Variants in CCNJL observed in about 807,000 individuals in gnomAD.
The protein encoded by CCNJL is cyclin J like.
In CCNJL, 33 loss-of-function variants were observed where a neutral mutation model predicts 33.4. That is an observed-to-expected ratio of 0.99 (90% CI 0.75 to 1.32). The LOEUF (loss-of-function observed/expected upper bound fraction) is 1.32. Among genes scored for constraint, CCNJL ranks in the 40% most tolerant of loss-of-function variants. The probability of loss-of-function intolerance (pLI) is 0.00; values close to 1 mark genes in which losing one functional copy is unlikely to be tolerated. For synonymous variants in CCNJL, 227 were observed against 220.9 expected (o/e 1.03, Z -0.24); for missense variants, 512 against 499.7 (o/e 1.02, Z -0.23).
At chr5:160,292,146 C>T (rs1057460456) in intron 2 of CCNJL, among the ~76,000 whole-genome samples, 3 of 152,182 alleles carry the variant, frequency 2.0e-5, no homozygotes, top group Non-Finnish European at 4.4e-5. Context: ...GAGGCACACA[C>T]CATCCTAGGG....
In CCNJL at chr5:160,251,062, A is replaced by G. The variant is rs1276639067; in HGVS notation, c.*2316T>C. The G allele has an allele frequency of 1.3e-5, 2 of 152,200 alleles. No homozygotes were observed. Among genetic ancestry groups the G allele is most frequent in the Admixed American group, 1.3e-4 (2 of 15,274 alleles). The allele number at this position is 152,200 out of a possible 1,614,324, so 9.4% of individuals were successfully genotyped here. Reference sequence around the variant, plus strand: ...AGTGCCTGTTGTGTGGCTAGGTACTAGTCTAGATGTTGCTGTCAAGGTATT... The same window carrying G: ...AGTGCCTGTTGTGTGGCTAGGTACTGGTCTAGATGTTGCTGTCAAGGTATT... On this transcript the variant is annotated 3_prime_UTR_variant, in exon 6 of 6. Coordinates refer to ENST00000257536, the MANE Select transcript of CCNJL (RefSeq NM_001308173.3).
upstream of CCNJL, chr5:160,315,318 AACACACAC>A (rs57432164): frequency 3.7e-3 from 389 of 103,946 alleles, 3 homozygotes; most frequent in Admixed American, 6.8e-3. Context: ...CCCGCCCCCC[AACACACAC>A]ACACACACAC....
intron 3 of CCNJL, among the ~76,000 whole-genome samples, chr5:160,274,311 G>A (rs1356687948): frequency 6.6e-6 from 1 of 151,934 alleles, no homozygotes; most frequent in Admixed American, 6.6e-5. Context: ...ATAAAAAAAT[G>A]AGCTGGATGT....
At chr5:160,270,667 C>T (rs1219376852) in intron 3 of CCNJL, among the ~76,000 whole-genome samples, 3 of 152,078 alleles carry the variant, frequency 2.0e-5, no homozygotes, top group African/African-American at 7.2e-5. Flanking sequence ...CCGCAGGTTC[C>T]GATTATAGAA....
In CCNJL at chr5:160,311,845, G is replaced by GGGA. The variant is rs1763269689; in HGVS notation, c.66+10_66+12dup. 6.2e-7 allele frequency: 1 copy of GGGA among 1,612,392 alleles called. No individual in the cohort carries two copies. Among genetic ancestry groups the GGGA allele is most frequent in the Non-Finnish European group, 8.5e-7 (1 of 1,178,504 alleles). On this transcript the variant is annotated intron_variant, in intron 2 of 5. Transcript: ENST00000257536. Reference sequence around the variant, plus strand: ...CCCAGTCTTGAGAGTGACAAGGGCAGGGAGGGACTGACCTTCTCGCGCAGG... The same window carrying GGGA: ...CCCAGTCTTGAGAGTGACAAGGGCAGGGAGGAGGGACTGACCTTCTCGCGCAGG...
At position 160,259,497 on chromosome 5, in the gene CCNJL, G is replaced by A. The variant is rs190889861; in HGVS notation, c.555C>T (p.Ala185=). The part of the protein sequence containing the change: ...RKTKECLKEY[A]HYFLEVTLQD... ...GCAGGGTGACCTCTAGGAAGTAATG[G>A]GCATACTCCTTGAGGCACTCTTTGG... The change falls in exon 4 of 6, where the codon GCC becomes GCT. Residue 185 remains alanine, a synonymous_variant. Transcript: ENST00000257536. The A allele has an allele frequency of 3.0e-5, 48 of 1,613,906 alleles. 1 individual carries two copies. In the Middle Eastern group the frequency reaches 8.3e-4, roughly 28 times the overall value.
At position 160,252,304 on chromosome 5, in the gene CCNJL, C is replaced by T. The variant is rs2113184499; in HGVS notation, c.*1074G>A. ...TCAAACGCCCATGTACATCCCACTC[C>T]CCAAATACAGGTGGGACTAAGCAAA... On this transcript the variant is annotated 3_prime_UTR_variant, in exon 6 of 6. Coordinates refer to ENST00000257536, the MANE Select transcript of CCNJL (RefSeq NM_001308173.3). 6.5e-6 allele frequency: 1 copy of T among 152,774 alleles called. No individual in the cohort carries two copies. The highest frequency in any genetic ancestry group is 3.4e-3 in the Middle Eastern group (1 of 294). The allele number at this position is 152,774 out of a possible 1,614,324, so 9.5% of individuals were successfully genotyped here.
chr5:160,293,043 G>A (rs1423716257), intron 2 of CCNJL, among the ~76,000 whole-genome samples: 2 of 152,214 alleles, frequency 1.3e-5, no homozygotes, highest in African/African-American at 4.8e-5. Flanking sequence ...TGACTCTACT[G>A]TTTTCTAGAC....
intron 1 of CCNJL, among the ~76,000 whole-genome samples, chr5:160,328,325 A>G (rs1258781333): frequency 1.3e-5 from 2 of 152,242 alleles, no homozygotes; most frequent in South Asian, 2.1e-4. Flanking sequence ...AGAGTGAGTT[A>G]GAGTAGGCAG....
At chr5:160,254,264 G>A in intron 5 of CCNJL, 1 of 583,786 alleles carries the variant, frequency 1.7e-6, no homozygotes. Context: ...TCCCCAGCGG[G>A]GTCACTCCTT....
chr5:160,278,699 G>C (rs576662648), intron 3 of CCNJL, among the ~76,000 whole-genome samples: 21 of 152,328 alleles, frequency 1.4e-4, no homozygotes, highest in African/African-American at 5.0e-4. Flanking sequence ...TCCCCAGACA[G>C]ACACTCGGGG....
intron 2 of CCNJL, among the ~76,000 whole-genome samples, chr5:160,285,029 T>C (rs1288410558): frequency 6.6e-6 from 1 of 152,014 alleles, no homozygotes; most frequent in African/African-American, 2.4e-5. Context: ...GTTCAAGACC[T>C]CAGTTCAAGA....
rs1232452203 is a variant in CCNJL at position 160,255,572 on chromosome 5, G to A, written c.720C>T (p.Ser240=). ...RISSYSLEHL[S]TCIEILLVVY... is the part of the protein sequence containing the mutation. The stretch of plus-strand genomic sequence containing the variant: ...ACACCAGCAGGATTTCAATACACGT[G>A]CTGAGGTGCTCCAGGGAATAGCTTG... Residue 240 remains serine, a synonymous_variant, in exon 5 of 6, where the codon AGC becomes AGT. Transcript: ENST00000257536. 1.9e-5 allele frequency: 31 copies of A among 1,614,140 alleles called. No individual in the cohort carries two copies. Among genetic ancestry groups the A allele is most frequent in the Non-Finnish European group, 2.6e-5 (31 of 1,179,976 alleles).
chr5:160,318,782 C>T (rs1380439730), intron 1 of CCNJL, among the ~76,000 whole-genome samples: 1 of 152,150 alleles, frequency 6.6e-6, no homozygotes, highest in Non-Finnish European at 1.5e-5. Flanking sequence ...AATATATATG[C>T]ATGTTCAGGC....
At chr5:160,334,363 C>T (rs1763656834) in intron 1 of CCNJL, among the ~76,000 whole-genome samples, 1 of 152,194 alleles carries the variant, frequency 6.6e-6, no homozygotes, top group Non-Finnish European at 1.5e-5. Context: ...ACCTACTCAG[C>T]ACCTGCGCAA....
intron 2 of CCNJL, among the ~76,000 whole-genome samples, chr5:160,298,523 C>A (rs547946436): frequency 3.5e-4 from 53 of 152,266 alleles, no homozygotes; most frequent in African/African-American, 1.2e-3. Context: ...AGCGCCTGCT[C>A]CCCTGGGCCT....
At chr5:160,262,333 G>A (rs1761374141) in intron 3 of CCNJL, among the ~76,000 whole-genome samples, 1 of 152,120 alleles carries the variant, frequency 6.6e-6, no homozygotes, top group Non-Finnish European at 1.5e-5. Flanking sequence ...CTGCTACCAG[G>A]CCCAAGAGGA....
At chr5:160,329,073 G>A (rs559554305) in intron 1 of CCNJL, among the ~76,000 whole-genome samples, 10 of 152,196 alleles carry the variant, frequency 6.6e-5, no homozygotes, top group Middle Eastern at 6.8e-3. Flanking sequence ...TGAGGAATCC[G>A]ACATGGAGGT....
In CCNJL at chr5:160,249,818, TA is replaced by T. The variant is rs1288690196; in HGVS notation, c.*3559del. 1.3e-5 allele frequency: 2 copies of T among 150,392 alleles called. No homozygotes were observed. Among genetic ancestry groups the T allele is most frequent in the African/African-American group, 4.9e-5 (2 of 40,968 alleles). 9.3% of individuals were successfully genotyped at this position (150,392 alleles called of 1,614,324 possible). A position where few individuals can be genotyped will look rare whatever the true frequency, so the allele number is the denominator to read the frequency against. ...TAAATAAATAAATAAAATAAAAATT[TA>T]AAAAATCAAACTAAACTGGGGAGTT... is the stretch of plus-strand genomic sequence containing the variant. On this transcript the variant is annotated 3_prime_UTR_variant, in exon 6 of 6. Transcript: ENST00000257536.
Sources: allele counts gnomAD v4.1 joint callset (sites outside exome capture counted in the v4.1 genomes callset), GRCh38; gene constraint gnomAD v4.1.1; transcripts MANE v1.5; gene names NCBI Gene and HGNC (gene_info 2026-07-23, HGNC 2026-07-21).